Variants in SEMA3A observed in about 807,000 individuals in gnomAD.
SEMA3A encodes semaphorin-3A.
A neutral mutation model predicts 97.9 loss-of-function variants in SEMA3A; 29 were observed. That is an observed-to-expected ratio of 0.30 (90% CI 0.22 to 0.40). The LOEUF is 0.40. Among genes scored for constraint, SEMA3A ranks in the 10% least tolerant of loss-of-function variants. The pLI, the probability that SEMA3A is intolerant of heterozygous loss-of-function variation, is 1.00. For synonymous variants in SEMA3A, 321 were observed against 323.7 expected (o/e 0.99, Z 0.09); for missense variants, 763 against 951.3 (o/e 0.80, Z 2.60).
intron 9 of SEMA3A, among the ~76,000 whole-genome samples, chr7:84,009,191 A>AT (rs1402531309): frequency 3.9e-5 from 6 of 152,154 alleles, no homozygotes; most frequent in African/African-American, 1.2e-4. Context: ...AGGAATCTGA[A>AT]TTTTATCATG....
At chr7:84,217,763 C>CAA (rs5885405) in intron 3 of SEMA3A, among the ~76,000 whole-genome samples, 7 of 142,232 alleles carry the variant, frequency 4.9e-5, no homozygotes, top group African/African-American at 7.8e-5. Context: ...TCTGTCTCTT[C>CAA]AAAAAAAAAA....
At chr7:84,369,182 ACATT>A (rs1802918673) in intron 2 of SEMA3A, among the ~76,000 whole-genome samples, 1 of 151,116 alleles carries the variant, frequency 6.6e-6, no homozygotes, top group African/African-American at 2.4e-5. Context: ...TTAGAGCCAG[ACATT>A]TTATGAATTT....
chr7:84,246,298 G>C (rs1799475537), intron 3 of SEMA3A, among the ~76,000 whole-genome samples: 2 of 152,180 alleles, frequency 1.3e-5, no homozygotes, highest in Admixed American at 1.3e-4. Context: ...TGTTACAGCT[G>C]CGCCAGAAAA....
chr7:84,067,074 A>T (rs1429336164), intron 4 of SEMA3A, among the ~76,000 whole-genome samples: 1 of 152,184 alleles, frequency 6.6e-6, no homozygotes, highest in Non-Finnish European at 1.5e-5. Context: ...CAAAACAGAG[A>T]TATAGATCAA....
chr7:84,013,837 ACT>A (rs1314520412), intron 7 of SEMA3A, among the ~76,000 whole-genome samples: 2 of 152,144 alleles, frequency 1.3e-5, no homozygotes, highest in Non-Finnish European at 2.9e-5. Flanking sequence ...GCAGAGCAAG[ACT>A]CTGTCTCAAA....
rs3735513 is a variant in SEMA3A at position 84,002,060 on chromosome 7, T to C, written c.1361-14A>G. 356,682 of 1,509,330 alleles carry C rather than the reference T, an allele frequency of 0.24. 42,854 individuals carry two copies. Among genetic ancestry groups the C allele is most frequent in the Middle Eastern group, 0.33 (1,946 of 5,874 alleles). 93.5% of individuals were successfully genotyped at this position (1,509,330 alleles called of 1,614,324 possible). ...CGGTCCCAACATCTTTGAAAGAAAG[T>C]GGGGAGAAGACCACAAGTTAAGTAG... On this transcript the variant is annotated splice_polypyrimidine_tract_variant and intron_variant, in intron 11 of 16. Transcript: ENST00000265362.
At chr7:84,412,997 GA>G (rs1390200215) in intron 1 of SEMA3A, among the ~76,000 whole-genome samples, 1 of 151,524 alleles carries the variant, frequency 6.6e-6, no homozygotes, top group Non-Finnish European at 1.5e-5. Flanking sequence ...CAAATTTAAG[GA>G]ATTCAACAAA....
chr7:83,972,023 C>CTGTATATGTG (rs1554381230), intron 15 of SEMA3A, among the ~76,000 whole-genome samples: 1 of 150,714 alleles, frequency 6.6e-6, no homozygotes, highest in Admixed American at 6.6e-5. Context: ...ACGTGTGTGT[C>CTGTATATGTG]TATATATGTG....
intron 2 of SEMA3A, among the ~76,000 whole-genome samples, chr7:84,133,696 T>C (rs1796030046): frequency 1.3e-5 from 2 of 151,924 alleles, no homozygotes; most frequent in African/African-American, 4.8e-5. Context: ...ACAACACATA[T>C]AGACTTAGTA....
chr7:84,444,170 G>A (rs1263281405), intron 1 of SEMA3A, among the ~76,000 whole-genome samples: 1 of 152,116 alleles, frequency 6.6e-6, no homozygotes, highest in East Asian at 1.9e-4. Context: ...ACAGGTGTGA[G>A]CCACCACACC....
chr7:84,248,948 A>G (rs1331935072), intron 3 of SEMA3A, among the ~76,000 whole-genome samples: 1 of 152,198 alleles, frequency 6.6e-6, no homozygotes, highest in Non-Finnish European at 1.5e-5. Context: ...ATGGAAGGCT[A>G]CATTTGACTA....
chr7:84,336,948 C>T (rs1256670409), intron 2 of SEMA3A, among the ~76,000 whole-genome samples: 3 of 152,044 alleles, frequency 2.0e-5, no homozygotes, highest in Non-Finnish European at 2.9e-5. Flanking sequence ...ATCATGCCAA[C>T]ACCTTCCCTA....
chr7:84,184,625 T>C (rs1247219716), intron 1 of SEMA3A, among the ~76,000 whole-genome samples: 2 of 151,978 alleles, frequency 1.3e-5, no homozygotes, highest in Non-Finnish European at 2.9e-5. Flanking sequence ...GAAATCCTTT[T>C]TTTTTTTGCA....
At chr7:84,118,118 G>C (rs1795489816) in intron 3 of SEMA3A, among the ~76,000 whole-genome samples, 1 of 152,080 alleles carries the variant, frequency 6.6e-6, no homozygotes, top group Admixed American at 6.6e-5. Flanking sequence ...CCTATACTTG[G>C]TGCTAAACAG....
At chr7:84,344,323 T>C (rs970386222) in intron 2 of SEMA3A, among the ~76,000 whole-genome samples, 7 of 152,076 alleles carry the variant, frequency 4.6e-5, no homozygotes, top group Admixed American at 1.3e-4. Flanking sequence ...ACACACAAAA[T>C]GGTTGACAGG....
chr7:84,456,806 A>G (rs1805698208), intron 1 of SEMA3A, among the ~76,000 whole-genome samples: 1 of 151,846 alleles, frequency 6.6e-6, no homozygotes, highest in Non-Finnish European at 1.5e-5. Context: ...CAAGGCAAAT[A>G]TATATCCATT....
At chr7:84,303,903 T>C (rs1801088762) in intron 3 of SEMA3A, among the ~76,000 whole-genome samples, 1 of 152,190 alleles carries the variant, frequency 6.6e-6, no homozygotes, top group African/African-American at 2.4e-5. Flanking sequence ...CAATTATGTG[T>C]GGGTTTATCA....
In SEMA3A at chr7:84,206,337, T is replaced by C. The variant is rs796652758; in HGVS notation, c.-82-11669A>G. Among the ~76,000 whole-genome samples, 1,220 of 151,122 alleles carry C rather than the reference T, an allele frequency of 8.1e-3. 12 individuals are homozygous for C. The highest frequency in any genetic ancestry group is 0.028 in the African/African-American group (1,162 of 41,064). On this transcript the variant is annotated intron_variant, in intron 3 of 3. Coordinates refer to the SEMA3A transcript ENST00000424555. The stretch of plus-strand genomic sequence containing the variant: ...AAGATGGCATTTTTTTTTTTTTTTT[T>C]TTTGAGACAGAATCTGGCTCTGTCG...
At chr7:84,388,853 C>G (rs1803468432) in intron 1 of SEMA3A, among the ~76,000 whole-genome samples, 1 of 151,958 alleles carries the variant, frequency 6.6e-6, no homozygotes, top group African/African-American at 2.4e-5. Flanking sequence ...TAGCTGTTCT[C>G]AAGAGCTGTG....
Sources: gnomAD v4.1 joint callset for allele counts (sites outside exome capture counted in the v4.1 genomes callset) on GRCh38, gnomAD v4.1.1 for gene constraint, MANE v1.5 for transcripts, NCBI Gene and HGNC (gene_info 2026-07-23, HGNC 2026-07-21) for gene names.